NHS: variants seen among roughly 807,000 people sequenced by gnomAD.
NHS encodes NHS actin remodeling regulator.
Under a neutral mutation model 72.5 loss-of-function variants are expected in NHS, and 5 were observed. That is an observed-to-expected ratio of 0.07 (90% CI 0.04 to 0.14). The LOEUF is 0.14. Ranked by LOEUF, NHS falls within the 10% of genes least tolerant of loss-of-function variation. The pLI is 1.00. For missense variants in NHS, 1,072 were observed against 1,355.7 expected (o/e 0.79, Z 3.29); for synonymous variants, 464 against 547.7 (o/e 0.85, Z 2.13).
At chrX:17,680,283 C>T (rs2066119223) in intron 1 of NHS, among the ~76,000 whole-genome samples, 1 of 112,232 alleles carries the variant, frequency 8.9e-6, no homozygotes, top group Non-Finnish European at 1.9e-5. Context: ...GAAGAGGCTG[C>T]TGAGGGAAGT....
At chrX:17,704,400 A>G (rs1488928126) in intron 3 of NHS, among the ~76,000 whole-genome samples, 2 of 111,000 alleles carry the variant, frequency 1.8e-5, no homozygotes, top group Non-Finnish European at 1.9e-5. Context: ...TCCCGGGTTC[A>G]TGCCATTCTC....
At chrX:17,391,817 G>A (rs1347438205) in intron 1 of NHS, among the ~76,000 whole-genome samples, 1 of 111,968 alleles carries the variant, frequency 8.9e-6, no homozygotes, top group African/African-American at 3.2e-5. Flanking sequence ...GTGTAGAAAT[G>A]CAAGCACCCA....
intron 1 of NHS, among the ~76,000 whole-genome samples, chrX:17,656,462 G>A (rs2065956491): frequency 1.8e-5 from 2 of 111,992 alleles, no homozygotes; most frequent in Non-Finnish European, 3.8e-5. Flanking sequence ...TGAACTTGGG[G>A]GTTGGGGGAG....
chrX:17,452,375 A>G (rs747453733), intron 1 of NHS, among the ~76,000 whole-genome samples: 34 of 111,735 alleles, frequency 3.0e-4, no homozygotes, highest in Admixed American at 4.7e-4. Context: ...TGGAGGCTTT[A>G]CAGAGACAGG....
intron 1 of NHS, among the ~76,000 whole-genome samples, chrX:17,585,659 G>A (rs1316982201): frequency 9.1e-6 from 1 of 109,777 alleles, no homozygotes; most frequent in African/African-American, 3.3e-5. Flanking sequence ...AGCACCTGCA[G>A]CCTTCCTACA....
chrX:17,436,612 TA>T (rs758191311), intron 1 of NHS, among the ~76,000 whole-genome samples: 2,181 of 85,605 alleles, frequency 0.025, 59 homozygotes, highest in African/African-American at 0.075. Flanking sequence ...ATATTTAGGC[TA>T]AAAAAAAAAA....
At chrX:17,723,312 G>T (rs1481548888) in intron 5 of NHS, among the ~76,000 whole-genome samples, 3 of 111,795 alleles carry the variant, frequency 2.7e-5, no homozygotes, top group Non-Finnish European at 3.8e-5. Flanking sequence ...AAATTCCAAA[G>T]CACGGCATTG....
At chrX:17,725,176 C>T (rs993859631) in intron 6 of NHS, among the ~76,000 whole-genome samples, 171 bp from the exon 7 acceptor site, 1 of 109,668 alleles carries the variant, frequency 9.1e-6, no homozygotes, top group African/African-American at 3.3e-5. Context: ...CGTGTATATA[C>T]ACCCTAAAGC....
chrX:17,497,488 C>T (rs1319399831), intron 1 of NHS, among the ~76,000 whole-genome samples: 3 of 111,506 alleles, frequency 2.7e-5, no homozygotes, highest in Admixed American at 9.6e-5. Flanking sequence ...CCAAAGCTAA[C>T]GTTTCTCCCA....
chrX:17,449,419 A>G (rs2064796379), intron 1 of NHS, among the ~76,000 whole-genome samples: 2 of 112,369 alleles, frequency 1.8e-5, no homozygotes, highest in South Asian at 7.4e-4. Context: ...AGTTACGTGA[A>G]GTTCAAAACC....
intron 1 of NHS, among the ~76,000 whole-genome samples, chrX:17,508,685 G>T (rs923960987): frequency 4.5e-5 from 5 of 111,399 alleles, no homozygotes; most frequent in African/African-American, 1.6e-4. Flanking sequence ...GGCCAGGCTA[G>T]ACTTGAACTC....
At position 17,375,618 on chromosome X, in the gene NHS, A is replaced by G; in HGVS notation, c.-140A>G. 1 of 579,951 alleles carries G rather than the reference A, an allele frequency of 1.7e-6. No individual in the cohort carries two copies. The highest frequency in any genetic ancestry group is 2.8e-6 in the Non-Finnish European group (1 of 361,978). 47.8% of individuals were successfully genotyped at this position (579,951 alleles called of 1,213,427 possible). A position where few individuals can be genotyped will look rare whatever the true frequency, so the allele number is the denominator to read the frequency against. On this transcript the variant is annotated 5_prime_UTR_variant, in exon 1 of 9. Transcript: ENST00000676302. Reference sequence around the variant, plus strand: ...GGGGAAGAGGAGGCAAGGTGAGCAGAGAAGCCCCCTGCGTATCCGGACTGC... The same window carrying G: ...GGGGAAGAGGAGGCAAGGTGAGCAGGGAAGCCCCCTGCGTATCCGGACTGC...
At chrX:17,648,755 C>T (rs746953802) in intron 1 of NHS, among the ~76,000 whole-genome samples, 1 of 112,030 alleles carries the variant, frequency 8.9e-6, no homozygotes, top group South Asian at 3.8e-4. Context: ...GCCCAAGAGA[C>T]AGTGTAGTGA....
chrX:17,478,625 T>G (rs1173391815), intron 1 of NHS, among the ~76,000 whole-genome samples: 1 of 112,014 alleles, frequency 8.9e-6, no homozygotes, highest in Admixed American at 9.5e-5. Flanking sequence ...CCTTGAAATT[T>G]AAGGTGAGTT....
At chrX:17,692,900 T>C (rs988139969) in intron 3 of NHS, among the ~76,000 whole-genome samples, 1 of 110,938 alleles carries the variant, frequency 9.0e-6, no homozygotes, top group African/African-American at 3.3e-5. Context: ...CTTAGCCCAA[T>C]GACTGACTGA....
intron 1 of NHS, among the ~76,000 whole-genome samples, chrX:17,666,046 A>T (rs1477967260): frequency 1.8e-5 from 2 of 111,719 alleles, no homozygotes; most frequent in Admixed American, 9.5e-5. Context: ...GTGAGAAAAG[A>T]CATGGGGTGT....
At chrX:17,464,238 TG>T (rs2064861428) in intron 1 of NHS, among the ~76,000 whole-genome samples, 1 of 111,174 alleles carries the variant, frequency 9.0e-6, no homozygotes, top group South Asian at 3.8e-4. Context: ...GCCTTCATTT[TG>T]GGGTATTGTT....
rs1012304251 is a variant in NHS, at chrX:17,404,793, G to A, written c.565+28471G>A. Among the ~76,000 whole-genome samples the A allele has an allele frequency of 9.5e-5, 10 of 105,305 alleles. 1 individual carries two copies. Among genetic ancestry groups the A allele is most frequent in the Non-Finnish European group, 1.7e-4 (9 of 52,055 alleles). The allele number at this position is 105,305 out of a possible 115,157, so 91.4% of individuals were successfully genotyped here. On this transcript the variant is annotated intron_variant, in intron 1 of 8. Transcript: ENST00000676302. ...ACCCTCCCCATTGAGTTAGTTGCCC[G>A]TAACACTCTGTCTCTCTCTCTCTCT...
intron 1 of NHS, among the ~76,000 whole-genome samples, chrX:17,502,864 A>AG (rs1264155986): frequency 9.0e-6 from 1 of 111,077 alleles, no homozygotes; most frequent in African/African-American, 3.3e-5. Context: ...CAAATTAAAG[A>AG]GGGGGACCTC....
Sources: gnomAD v4.1 joint callset for allele counts (sites outside exome capture counted in the v4.1 genomes callset) on GRCh38, gnomAD v4.1.1 for gene constraint, MANE v1.5 for transcripts, NCBI Gene and HGNC (gene_info 2026-07-23, HGNC 2026-07-21) for gene names.